KCNMA1: variants seen among roughly 807,000 people sequenced by gnomAD.
KCNMA1 encodes Calcium-activated potassium channel subunit alpha-1.
In KCNMA1, 29 loss-of-function variants were observed where a neutral mutation model predicts 140.0. The observed-to-expected ratio is 0.21, with a 90% CI of 0.15 to 0.28. The LOEUF (loss-of-function observed/expected upper bound fraction) is 0.28, where lower values mean the gene tolerates loss of function less well. Among genes scored for constraint, KCNMA1 ranks in the 10% least tolerant of loss-of-function variants. The pLI is 1.00. For synonymous variants in KCNMA1, 612 were observed against 611.9 expected (o/e 1.00, Z 0.00); for missense variants, 880 against 1,602.2 (o/e 0.55, Z 7.70).
At chr10:77,167,082 G>A (rs1470897143) in intron 5 of KCNMA1, among the ~76,000 whole-genome samples, 2 of 152,054 alleles carry the variant, frequency 1.3e-5, no homozygotes, top group Non-Finnish European at 2.9e-5. Flanking sequence ...TTCTATCTAA[G>A]TGTATATTTA....
At chr10:77,584,770 C>T (rs1292975907) in intron 1 of KCNMA1, among the ~76,000 whole-genome samples, 1 of 152,184 alleles carries the variant, frequency 6.6e-6, no homozygotes, top group Non-Finnish European at 1.5e-5. Flanking sequence ...TGGGAGAAGG[C>T]CTGGCTGTCT....
chr10:77,351,276 C>T (rs781569896), intron 2 of KCNMA1, among the ~76,000 whole-genome samples: 6 of 152,162 alleles, frequency 3.9e-5, no homozygotes, highest in Admixed American at 6.5e-5. Flanking sequence ...CCCTTACCAA[C>T]GACAGAAACT....
At chr10:77,523,206 C>CCCG (rs1320294924) in intron 1 of KCNMA1, among the ~76,000 whole-genome samples, 1 of 148,454 alleles carries the variant, frequency 6.7e-6, no homozygotes, top group Non-Finnish European at 1.5e-5. Context: ...TGGACGTGCC[C>CCCG]CCCCCCCTTG....
At chr10:77,111,485 T>C (rs2097322357) in intron 7 of KCNMA1, among the ~76,000 whole-genome samples, 1 of 152,194 alleles carries the variant, frequency 6.6e-6, no homozygotes, top group Non-Finnish European at 1.5e-5. Flanking sequence ...TGCTTCGTGC[T>C]TGGTTACAGC....
At chr10:77,327,659 T>A (rs1566002483) in intron 2 of KCNMA1, among the ~76,000 whole-genome samples, 1 of 151,954 alleles carries the variant, frequency 6.6e-6, no homozygotes, top group Admixed American at 6.6e-5. Flanking sequence ...CTGACCAGTA[T>A]CAAATCTTAT....
chr10:77,620,019 G>A (rs1819677891), intron 1 of KCNMA1, among the ~76,000 whole-genome samples: 1 of 152,198 alleles, frequency 6.6e-6, no homozygotes, highest in Admixed American at 6.5e-5. Flanking sequence ...TTTCCCAGCA[G>A]GGATGTTGAT....
At chr10:77,118,542 T>C (rs1481621114) in intron 6 of KCNMA1, among the ~76,000 whole-genome samples, 1 of 152,212 alleles carries the variant, frequency 6.6e-6, no homozygotes, top group South Asian at 2.1e-4. Flanking sequence ...TTACCCAAAG[T>C]TTCCCCAAGT....
At chr10:77,264,548 A>G (rs1482548044) in intron 2 of KCNMA1, among the ~76,000 whole-genome samples, 2 of 152,212 alleles carry the variant, frequency 1.3e-5, no homozygotes, top group Non-Finnish European at 2.9e-5. Context: ...CCAGGTACAC[A>G]GTGAAAGAAT....
Position 77,284,363 on chromosome 10 carries a change from T to C in KCNMA1, c.541-33107A>G, listed in dbSNP as rs144236604. 2.5e-3 allele frequency among the ~76,000 whole-genome samples: 381 copies of C among 152,284 alleles called. 1 individual carries two copies. Among genetic ancestry groups the C allele is most frequent in the African/African-American group, 8.7e-3 (360 of 41,564 alleles). ...ATTGAACAGAGGTTGAGACAGCCTA[T>C]TGATAATTTAAAGAAAAAAAATTTA... On this transcript the variant is annotated intron_variant, in intron 2 of 27. Transcript: ENST00000286628.
chr10:76,992,532 G>A (rs2083074743), intron 19 of KCNMA1, among the ~76,000 whole-genome samples: 1 of 152,128 alleles, frequency 6.6e-6, no homozygotes, highest in Non-Finnish European at 1.5e-5. Context: ...AGCTGGTTTG[G>A]GAGAAAGCCC....
At chr10:77,297,243 C>G (rs1205381399) in intron 2 of KCNMA1, among the ~76,000 whole-genome samples, 1 of 152,140 alleles carries the variant, frequency 6.6e-6, no homozygotes, top group Admixed American at 6.5e-5. Flanking sequence ...AGAGCCAAAC[C>G]AAATAGCCTC....
chr10:76,910,258 A>T, intron 24 of KCNMA1, 162 bp from the exon 25 acceptor site: 1 of 698,588 alleles, frequency 1.4e-6, no homozygotes, highest in Non-Finnish European at 2.5e-6. Context: ...GGGCAGTGGG[A>T]CTCAATGGAC....
chr10:77,400,897 A>G (rs573178589), intron 2 of KCNMA1, among the ~76,000 whole-genome samples: 19 of 152,024 alleles, frequency 1.2e-4, no homozygotes, highest in East Asian at 5.8e-4. Context: ...GCTGGGCCCA[A>G]TGAGTTCCAT....
At chr10:77,056,765 A>G (rs993628083) in intron 14 of KCNMA1, among the ~76,000 whole-genome samples, 1 of 152,338 alleles carries the variant, frequency 6.6e-6, no homozygotes, top group East Asian at 1.9e-4. Flanking sequence ...CAATTAAAAA[A>G]TACAATAACT....
intron 1 of KCNMA1, among the ~76,000 whole-genome samples, chr10:77,541,070 T>TA (rs577204007): frequency 2.0e-5 from 3 of 150,488 alleles, no homozygotes; most frequent in East Asian, 1.9e-4. Flanking sequence ...CAACAAAATT[T>TA]AAAAAAAGAA....
At chr10:77,545,658 C>T (rs1267186193) in intron 1 of KCNMA1, among the ~76,000 whole-genome samples, 1 of 152,202 alleles carries the variant, frequency 6.6e-6, no homozygotes. Flanking sequence ...CTTTGAGCTT[C>T]CTGGCAGGGT....
At chr10:77,027,798 G>T in intron 16 of KCNMA1, 25 bp downstream of exon 16, 4 of 1,603,488 alleles carry the variant, frequency 2.5e-6, no homozygotes, top group Non-Finnish European at 3.4e-6. Flanking sequence ...AGTGTCAGCT[G>T]GCTGCTGGGT....
chr10:76,918,409 A>T (rs1907729), intron 23 of KCNMA1, among the ~76,000 whole-genome samples: 1 of 152,124 alleles, frequency 6.6e-6, no homozygotes, highest in South Asian at 2.1e-4. Context: ...TTAGCCATGT[A>T]CCCATAGCAC....
At chr10:77,346,848 G>T (rs998017442) in intron 2 of KCNMA1, among the ~76,000 whole-genome samples, 46 of 152,284 alleles carry the variant, frequency 3.0e-4, no homozygotes, top group African/African-American at 1.1e-3. Context: ...CAAGAACATT[G>T]TCCTCAAGCC....
Sources: allele counts gnomAD v4.1 joint callset (sites outside exome capture counted in the v4.1 genomes callset), GRCh38; gene constraint gnomAD v4.1.1; transcripts MANE v1.5; gene names NCBI Gene and HGNC (gene_info 2026-07-23, HGNC 2026-07-21).